The following WFDC1 variants were observed in gnomAD, a reference collection of about 807,000 sequenced individuals.
WFDC1 encodes WAP four-disulfide core domain 1, also known as WAP four-disulfide core domain protein 1.
WFDC1 carries 39 observed loss-of-function variants against 32.9 expected under a neutral mutation model. The observed-to-expected ratio is 1.19, with a 90% confidence interval of 0.92 to 1.55. The LOEUF (loss-of-function observed/expected upper bound fraction) is 1.55. WFDC1 is among the 40% of genes most tolerant of loss of function. The pLI, the probability that WFDC1 is intolerant of heterozygous loss-of-function variation, is 0.00. For missense variants in WFDC1, 386 were observed against 309.5 expected (o/e 1.25, Z -1.85); for synonymous variants, 184 against 137.4 (o/e 1.34, Z -2.37).
At chr16:84,316,430 A>G (rs2031548687) in intron 2 of WFDC1, 1 of 152,216 alleles carries the variant, frequency 6.6e-6, no homozygotes, top group African/African-American at 2.4e-5. Flanking sequence ...GTCACAAGCA[A>G]ATGTGATCCC....
chr16:84,319,658 C>A, intron 4 of WFDC1, 87 bp downstream of exon 4: 1 of 1,523,716 alleles, frequency 6.6e-7, no homozygotes, highest in Non-Finnish European at 8.8e-7. Context: ...GGACGACCTG[C>A]CCCAGGAAGC....
chr16:84,300,948 C>T (rs1597662081), intron 1 of WFDC1, among the ~76,000 whole-genome samples: 1 of 150,884 alleles, frequency 6.6e-6, no homozygotes, highest in East Asian at 2.0e-4. Flanking sequence ...GCACTCCAGC[C>T]TGGGCGACAG....
rs368858608 is a variant in WFDC1 at position 84,299,296 on chromosome 16, C to T, written c.144+4181C>T. ...GGAGAATTGCTTGAACCCTGGGAGG[C>T]GGAGGTTGCGGTGAGCCGAGATCGT... On this transcript the variant is annotated intron_variant, in intron 1 of 6. Transcript: ENST00000219454. Among the ~76,000 whole-genome samples the T allele has an allele frequency of 3.0e-4, 46 of 151,686 alleles. No individual in the cohort carries two copies. The South Asian group carries it at 4.2e-3, about 14-fold the overall frequency.
At chr16:84,308,450 A>G (rs937173176) in intron 1 of WFDC1, among the ~76,000 whole-genome samples, 1 of 152,204 alleles carries the variant, frequency 6.6e-6, no homozygotes, top group Non-Finnish European at 1.5e-5. Context: ...AGGGCCTAAA[A>G]ATGAAGAATC....
chr16:84,317,957 G>A (rs1908056699), intron 2 of WFDC1: 1 of 293,582 alleles, frequency 3.4e-6, no homozygotes, highest in Non-Finnish European at 6.8e-6. Context: ...CTGCAGGAAG[G>A]AAAAGAGGGA....
Position 84,301,975 on chromosome 16 carries a change from A to T in WFDC1, c.144+6860A>T, listed in dbSNP as rs200710066. ...AGCACTCACCGCAGCCACAGGGCAG[A>T]GGCAGATGGATGCCCATGGGGTGAG... is the stretch of plus-strand genomic sequence containing the variant. On this transcript the variant is annotated intron_variant, in intron 1 of 6. Transcript: ENST00000219454. Among the ~76,000 whole-genome samples the T allele has an allele frequency of 5.4e-4, 83 of 152,334 alleles. 1 individual carries two copies. In the East Asian group the frequency reaches 0.016, roughly 29 times the overall value.
chr16:84,309,493 C>T (rs1431655972), intron 1 of WFDC1, among the ~76,000 whole-genome samples: 2 of 151,882 alleles, frequency 1.3e-5, no homozygotes, highest in East Asian at 3.9e-4. Flanking sequence ...CTGATGGGGA[C>T]TTGGGCCTGG....
At position 84,312,177 on chromosome 16, in the gene WFDC1, AAAAC is replaced by A. The variant is rs553572225; in HGVS notation, c.145-772_145-769del. On this transcript the variant is annotated intron_variant, in intron 1 of 6. Coordinates refer to ENST00000219454, the MANE Select transcript of WFDC1 (RefSeq NM_021197.4). The stretch of plus-strand genomic sequence containing the variant: ...CGAAACTCCGTCTCAAAAACAAAAC[AAAAC>A]AAACAAACAAAAAATACTTCAAAGC... Among the ~76,000 whole-genome samples, 17 of 152,300 alleles carry A rather than the reference AAAAC, an allele frequency of 1.1e-4. No homozygotes were observed. In the South Asian group the frequency reaches 1.2e-3, roughly 11 times the overall value.
chr16:84,313,733 G>T (rs776761847), intron 2 of WFDC1, among the ~76,000 whole-genome samples: 2 of 152,210 alleles, frequency 1.3e-5, no homozygotes, highest in Non-Finnish European at 2.9e-5. Context: ...CAGATGGGGC[G>T]TGCCCCAGAG....
chr16:84,304,518 G>A (rs113280685), intron 1 of WFDC1, among the ~76,000 whole-genome samples: 5 of 152,108 alleles, frequency 3.3e-5, no homozygotes, highest in Non-Finnish European at 5.9e-5. Flanking sequence ...GTGAGCCACC[G>A]CGCCCGGCCA....
chr16:84,306,805 C>G (rs1396631634), intron 1 of WFDC1, among the ~76,000 whole-genome samples: 1 of 149,768 alleles, frequency 6.7e-6, no homozygotes. Flanking sequence ...TTTTGTTCCA[C>G]CCGAAGAATA....
intron 3 of WFDC1, 77 bp downstream of exon 3, chr16:84,318,432 G>A: frequency 7.0e-7 from 1 of 1,438,128 alleles, no homozygotes; most frequent in Non-Finnish European, 9.7e-7. Flanking sequence ...AAAGCTGGCA[G>A]CACCAGGCCG....
At chr16:84,302,062 C>G (rs1367197933) in intron 1 of WFDC1, among the ~76,000 whole-genome samples, 1 of 152,198 alleles carries the variant, frequency 6.6e-6, no homozygotes, top group Non-Finnish European at 1.5e-5. Flanking sequence ...GGAGCCTGGA[C>G]ACACGCCATT....
chr16:84,302,076 C>G (rs1431041743), intron 1 of WFDC1, among the ~76,000 whole-genome samples: 2 of 152,184 alleles, frequency 1.3e-5, no homozygotes, highest in Admixed American at 1.3e-4. Flanking sequence ...CGCCATTGCA[C>G]AGATGAACCT....
At chr16:84,327,251 C>T in intron 6 of WFDC1, 4 of 344,346 alleles carry the variant, frequency 1.2e-5, no homozygotes, top group Non-Finnish European at 2.2e-5. Context: ...AGTGCACTGG[C>T]ACAATCATTG....
intron 4 of WFDC1, among the ~76,000 whole-genome samples, chr16:84,323,699 G>A (rs142721869): frequency 6.6e-6 from 1 of 152,358 alleles, no homozygotes; most frequent in African/African-American, 2.4e-5. Flanking sequence ...TTTGTCATTT[G>A]CAGTAATGAC....
At chr16:84,302,679 C>T (rs1331772616) in intron 1 of WFDC1, among the ~76,000 whole-genome samples, 1 of 152,200 alleles carries the variant, frequency 6.6e-6, no homozygotes, top group Non-Finnish European at 1.5e-5. Context: ...GTTTAGGTTT[C>T]TCTCTAACTG....
At chr16:84,322,302 T>C (rs982104547) in intron 4 of WFDC1, among the ~76,000 whole-genome samples, 36 of 152,128 alleles carry the variant, frequency 2.4e-4, no homozygotes, top group African/African-American at 8.2e-4. Context: ...ACTGGTAATT[T>C]ACTGGTAATT....
intron 3 of WFDC1, 96 bp from the exon 4 acceptor site, chr16:84,319,335 C>G: frequency 6.6e-7 from 1 of 1,520,916 alleles, no homozygotes; most frequent in Non-Finnish European, 8.9e-7. Context: ...AGGTGCGTTC[C>G]CTGCACCCGT....
Sources: allele counts gnomAD v4.1 joint callset (sites outside exome capture counted in the v4.1 genomes callset), GRCh38; gene constraint gnomAD v4.1.1; transcripts MANE v1.5; gene names NCBI Gene and HGNC (gene_info 2026-07-23, HGNC 2026-07-21).